Variants in CNOT4 observed in about 807,000 individuals in gnomAD.
CNOT4 encodes the protein CCR4-NOT transcription complex subunit 4.
CNOT4 carries 8 observed loss-of-function variants against 73.8 expected under a neutral mutation model. The ratio of observed to expected loss-of-function variants is 0.11; its 90% confidence interval spans 0.06 to 0.20. The LOEUF (loss-of-function observed/expected upper bound fraction) is 0.20, where lower values mean the gene tolerates loss of function less well. Ranked by LOEUF, CNOT4 falls within the 10% of genes least tolerant of loss-of-function variation. The pLI is 1.00. For synonymous variants in CNOT4, 293 were observed against 321.1 expected (o/e 0.91, Z 0.94); for missense variants, 564 against 883.4 (o/e 0.64, Z 4.58).
At chr7:135,388,173 T>A in intron 10 of CNOT4, 1 of 985,304 alleles carries the variant, frequency 1.0e-6, no homozygotes, top group Non-Finnish European at 1.2e-6. Flanking sequence ...CATCTATGCA[T>A]AATTAACAAC....
intron 2 of CNOT4, among the ~76,000 whole-genome samples, chr7:135,427,677 A>G (rs1055079892): frequency 6.6e-5 from 10 of 152,238 alleles, no homozygotes; most frequent in Admixed American, 3.3e-4. Context: ...TAATTTGATT[A>G]TACTATTTTT....
At chr7:135,404,885 A>G (rs1797196047) in intron 7 of CNOT4, among the ~76,000 whole-genome samples, 1 of 152,196 alleles carries the variant, frequency 6.6e-6, no homozygotes, top group African/African-American at 2.4e-5. Context: ...GGAATTTACA[A>G]TCCATCCACT....
chr7:135,449,808 T>C (rs1800053431), intron 1 of CNOT4, among the ~76,000 whole-genome samples: 1 of 148,804 alleles, frequency 6.7e-6, no homozygotes, highest in African/African-American at 2.5e-5. Flanking sequence ...CTAATTTAGT[T>C]AGGAATGAGA....
intron 10 of CNOT4, among the ~76,000 whole-genome samples, chr7:135,385,514 A>T (rs1170103677): frequency 6.6e-6 from 1 of 152,190 alleles, no homozygotes; most frequent in Non-Finnish European, 1.5e-5. Flanking sequence ...AAAATGCATT[A>T]AAGTTGTTTT....
chr7:135,502,085 G>A (rs1486787310), intron 1 of CNOT4, among the ~76,000 whole-genome samples: 4 of 152,046 alleles, frequency 2.6e-5, no homozygotes, highest in Non-Finnish European at 4.4e-5. Context: ...ATAGCATGAC[G>A]GCCCTGCCAG....
chr7:135,466,091 T>C (rs1185375941), intron 1 of CNOT4, among the ~76,000 whole-genome samples: 1 of 140,114 alleles, frequency 7.1e-6, no homozygotes, highest in South Asian at 2.3e-4. Context: ...TAGACATAGC[T>C]TACAGAGTAA....
intron 6 of CNOT4, among the ~76,000 whole-genome samples, chr7:135,411,646 GT>G (rs1797593703): frequency 6.6e-6 from 1 of 151,926 alleles, no homozygotes; most frequent in Non-Finnish European, 1.5e-5. Context: ...CTATTTGCAT[GT>G]ATATCTAGAC....
intron 1 of CNOT4, among the ~76,000 whole-genome samples, chr7:135,488,753 T>C (rs1408472925): frequency 6.6e-6 from 1 of 152,144 alleles, no homozygotes; most frequent in Non-Finnish European, 1.5e-5. Context: ...GGAGGAATTA[T>C]AGAATGTATC....
At chr7:135,504,008 T>C (rs113796569) in intron 1 of CNOT4, among the ~76,000 whole-genome samples, 2 of 152,138 alleles carry the variant, frequency 1.3e-5, no homozygotes, top group Non-Finnish European at 2.9e-5. Context: ...AATCAGCCAA[T>C]GTTATTTTAG....
intron 9 of CNOT4, 50 bp from the exon 10 acceptor site, chr7:135,394,465 A>G (rs748678610): frequency 4.2e-6 from 6 of 1,426,246 alleles, no homozygotes; most frequent in Middle Eastern, 1.8e-4. Context: ...GCTCATTTTC[A>G]TACTTAATAA....
At chr7:135,443,555 T>C (rs577100034) in intron 1 of CNOT4, among the ~76,000 whole-genome samples, 69 of 152,344 alleles carry the variant, frequency 4.5e-4, no homozygotes, top group Non-Finnish European at 7.1e-4. Context: ...GAGCTATGTA[T>C]ACTTGGAAGT....
At chr7:135,469,800 G>T (rs1801459940) in intron 1 of CNOT4, among the ~76,000 whole-genome samples, 1 of 151,556 alleles carries the variant, frequency 6.6e-6, no homozygotes, top group African/African-American at 2.4e-5. Context: ...TTTGTTGTTG[G>T]TGGTGATGTG....
At chr7:135,366,175 G>A (rs1202391169) in intron 10 of CNOT4, among the ~76,000 whole-genome samples, 1 of 152,156 alleles carries the variant, frequency 6.6e-6, no homozygotes, top group Admixed American at 6.5e-5. Flanking sequence ...ACTGAATAGG[G>A]AGAGAGAGAA....
intron 2 of CNOT4, among the ~76,000 whole-genome samples, chr7:135,435,183 T>C (rs1297107919): frequency 6.6e-6 from 1 of 152,214 alleles, no homozygotes; most frequent in African/African-American, 2.4e-5. Context: ...TTCACAATTA[T>C]ATAAACAAAC....
chr7:135,426,121 G>T (rs1798481979), intron 2 of CNOT4, among the ~76,000 whole-genome samples: 1 of 152,156 alleles, frequency 6.6e-6, no homozygotes, highest in Admixed American at 6.5e-5. Flanking sequence ...GGCTGAGGCA[G>T]GAGGGATGCT....
At chr7:135,415,435 T>C (rs995098191) in intron 3 of CNOT4, among the ~76,000 whole-genome samples, 173 bp from the exon 4 acceptor site, 3 of 152,116 alleles carry the variant, frequency 2.0e-5, no homozygotes, top group Admixed American at 1.3e-4. Flanking sequence ...CTATAGGAAA[T>C]CAAAAGAGTT....
In CNOT4 at chr7:135,395,892, A is replaced by G. The variant is rs770474891; in HGVS notation, c.880-9T>C. 5.0e-5 allele frequency: 79 copies of G among 1,590,110 alleles called. No individual in the cohort carries two copies. The highest frequency in any genetic ancestry group is 6.2e-5 in the Non-Finnish European group (72 of 1,159,650). ...GTATCACTGTTAGATATCTGAATAA[A>G]AAAGGAAAACAAATAATAACTACAT... On this transcript the variant is annotated splice_polypyrimidine_tract_variant and intron_variant, in intron 8 of 11. Transcript: ENST00000541284.
chr7:135,506,375 T>TA (rs1168889978), intron 1 of CNOT4, among the ~76,000 whole-genome samples: 1 of 152,226 alleles, frequency 6.6e-6, no homozygotes, highest in African/African-American at 2.4e-5. Context: ...GAGCTGAATG[T>TA]AACTTCCTTC....
At chr7:135,397,854 T>C (rs1041575421) in intron 8 of CNOT4, among the ~76,000 whole-genome samples, 1 of 152,098 alleles carries the variant, frequency 6.6e-6, no homozygotes, top group African/African-American at 2.4e-5. Flanking sequence ...AATACAATTC[T>C]TAAAAGCAAG....
Sources: allele counts gnomAD v4.1 joint callset (sites outside exome capture counted in the v4.1 genomes callset), GRCh38; gene constraint gnomAD v4.1.1; transcripts MANE v1.5; gene names NCBI Gene and HGNC (gene_info 2026-07-23, HGNC 2026-07-21).